Variants in HLA-F observed in about 807,000 individuals in gnomAD.
HLA-F encodes major histocompatibility complex, class I, F, also known as HLA class I histocompatibility antigen, alpha chain F.
HLA-F carries 46 observed loss-of-function variants against 49.5 expected under a neutral mutation model. That is an observed-to-expected ratio of 0.93 (90% CI 0.73 to 1.19). The LOEUF (loss-of-function observed/expected upper bound fraction) is 1.19, where lower values mean the gene tolerates loss of function less well. Among genes scored for constraint, HLA-F ranks in the 50% most tolerant of loss-of-function variants. The pLI, the probability that HLA-F is intolerant of heterozygous loss-of-function variation, is 0.00. For missense variants in HLA-F, 496 were observed against 579.6 expected, an observed-to-expected ratio of 0.86 and a Z score of 1.48; for synonymous variants, 203 against 233.5, an observed-to-expected ratio of 0.87 and a Z score of 1.19.
chr6:29,730,224 C>G (rs1209874640), downstream of HLA-F, among the ~76,000 whole-genome samples: 5 of 152,200 alleles, frequency 3.3e-5, no homozygotes, highest in Non-Finnish European at 1.5e-5. Flanking sequence ...GAATATTATT[C>G]AGCCTTAAAA....
intron 3 of HLA-F, chr6:29,736,237 C>T (rs1469340262): frequency 1.6e-5 from 6 of 365,152 alleles, no homozygotes; most frequent in African/African-American, 1.3e-4. Flanking sequence ...CACCCTCCAC[C>T]TTGCATGGGC....
At chr6:29,727,823 T>G (rs9258187), downstream of HLA-F, 72,250 of 413,994 alleles carry the variant, frequency 0.17, 7,580 homozygotes, top group East Asian at 0.3. Flanking sequence ...CGAGCTTTAG[T>G]TCCCCATACC....
chr6:29,737,062 A>T (rs1218369521), intron 3 of HLA-F, among the ~76,000 whole-genome samples: 2 of 152,132 alleles, frequency 1.3e-5, no homozygotes, highest in African/African-American at 4.8e-5. Context: ...CTAGTATATG[A>T]AAAGAAATGA....
rs1401911132 is a variant in HLA-F, at chr6:29,726,939, C to T, written c.1093C>T (p.Leu365=). Residue 365 remains leucine (L), a synonymous_variant, in exon 7 of 7, where the codon CTG becomes TTG. Coordinates refer to ENST00000259951, the MANE Select transcript of HLA-F (RefSeq NM_001098479.2). The stretch of plus-strand genomic sequence containing the variant: ...AACATGGTGGTCAAGCTTATTTCTC[C>T]TGGGGGTGCTCTTCCAAGGATATTT... ...MITWWSSLFL[L]GVLFQGYLGC... is the part of the protein sequence containing the mutation. 2.5e-6 allele frequency: 4 copies of T among 1,610,552 alleles called. No homozygotes were observed. Among genetic ancestry groups the T allele is most frequent in the Non-Finnish European group, 1.7e-6 (2 of 1,179,892 alleles).
rs769737712 is a variant in HLA-F at position 29,723,840 on chromosome 6, T to C, written c.247T>C (p.Trp83Arg). The stretch of plus-strand genomic sequence containing the variant: ...GCAAGAGGGGCCGCAGTATTGGGAG[T>C]GGACCACAGGGTACGCCAAGGCCAA... The part of the protein sequence containing the change: ...VEQEGPQYWE[W>R]TTGYAKANAQ... The change falls in exon 2 of 7, where the codon TGG becomes CGG. Residue 83 changes from tryptophan to arginine, a missense_variant. Physicochemically the swap from Trp to Arg is moderately radical, Grantham distance 101 (BLOSUM62 -3). Transcript: ENST00000259951. 19 of 1,600,338 alleles carry C rather than the reference T, an allele frequency of 1.2e-5. No homozygotes were observed. The Admixed American group carries it at 3.3e-4, about 27-fold the overall frequency.
At chr6:29,732,875 T>TA (rs148067859) in intron 3 of HLA-F, among the ~76,000 whole-genome samples, 8,215 of 152,120 alleles carry the variant, frequency 0.054, 337 homozygotes, top group Middle Eastern at 0.11. Context: ...AAGATACCTA[T>TA]AAAAATATAT....
intron 1 of HLA-F, 32 bp downstream of exon 1, chr6:29,723,559 T>C (rs768079924): frequency 1.2e-6 from 2 of 1,604,036 alleles, no homozygotes; most frequent in South Asian, 2.2e-5. Context: ...AAACGGCCTC[T>C]GTGGGGAGGA....
Position 29,724,365 on chromosome 6 carries a change from A to G in HLA-F, c.527A>G (p.Glu176Gly). ...TATGAGGCAGAGGAATATGCAGAGG[A>G]GTTCAGGACCTACCTGGAGGGCGAG... is the stretch of plus-strand genomic sequence containing the variant. ...RFYEAEEYAE[E>G]FRTYLEGECL... The change falls in exon 3 of 7, where the codon GAG becomes GGG. Residue 176 changes from glutamate (E) to glycine (G), a missense_variant. Physicochemically the swap from Glu to Gly is moderately conservative, Grantham distance 98. Transcript: ENST00000259951. 6.2e-7 allele frequency: 1 copy of G among 1,613,202 alleles called. No homozygotes were observed. Among genetic ancestry groups the G allele is most frequent in the Non-Finnish European group, 8.5e-7 (1 of 1,180,030 alleles).
intron 2 of HLA-F, 49 bp from the exon 3 acceptor site, chr6:29,724,124 G>A (rs1358233195): frequency 6.2e-7 from 1 of 1,604,782 alleles, no homozygotes; most frequent in Non-Finnish European, 8.5e-7. Context: ...GGGTTGGGCG[G>A]GGAGGGGGCG....
At position 29,724,160 on chromosome 6, in the gene HLA-F, G is replaced by T; in HGVS notation, c.335-13G>T. On this transcript the variant is annotated splice_polypyrimidine_tract_variant and intron_variant, in intron 2 of 6. Coordinates refer to ENST00000259951, the MANE Select transcript of HLA-F (RefSeq NM_001098479.2). Reference sequence around the variant, plus strand: ...GGGCTAGCTGGGCGGGGCTGACTGCGGGGACCGGCTAGGGTCTCACACCCT... The same window carrying T: ...GGGCTAGCTGGGCGGGGCTGACTGCTGGGACCGGCTAGGGTCTCACACCCT... 6.2e-7 allele frequency: 1 copy of T among 1,612,746 alleles called. No individual in the cohort carries two copies. Among genetic ancestry groups the T allele is most frequent in the African/African-American group, 1.3e-5 (1 of 75,054 alleles).
Position 29,724,445 on chromosome 6 carries a change from G to T in HLA-F, c.607G>T (p.Ala203Ser), listed in dbSNP as rs750557004. Residue 203 changes from alanine to serine, a missense_variant, in exon 3 of 7, where the codon GCA (alanine) becomes TCA (serine). By Grantham distance (99) the Ala-to-Ser change is moderately conservative. Transcript: ENST00000259951. ...LENGKETLQR[A>S]DPPKAHVAHH... is the part of the protein sequence containing the mutation. ...GAATGGGAAGGAGACGCTACAGCGC[G>T]CAGGTACCAGGGGCCATGGGCGCCT... 3 of 1,612,784 alleles carry T rather than the reference G, an allele frequency of 1.9e-6. No individual in the cohort carries two copies. The highest frequency in any genetic ancestry group is 2.5e-6 in the Non-Finnish European group (3 of 1,179,690).
downstream of HLA-F, chr6:29,728,700 A>G (rs1776328165): frequency 6.6e-6 from 1 of 152,254 alleles, no homozygotes. Flanking sequence ...CCCAGACAGC[A>G]GCTCAAAATA....
In HLA-F at chr6:29,727,028, T is replaced by G. The variant is rs551676527; in HGVS notation, c.1182T>G (p.Phe394Leu). The change falls in exon 7 of 7, where the codon TTT (phenylalanine) becomes TTG (leucine). Residue 394 changes from phenylalanine to leucine, a missense_variant. Coordinates refer to ENST00000259951, the MANE Select transcript of HLA-F (RefSeq NM_001098479.2). ...RRKVGDMWILFFLWLWTSFNT... is the reference protein window; with the variant it reads ...RRKVGDMWILLFLWLWTSFNT... ...AGGTGGGTGACATGTGGATCTTGTT[T>G]TTTTTGTGGCTGTGGACATCTTTCA... 27 of 1,613,514 alleles carry G rather than the reference T, an allele frequency of 1.7e-5. No homozygotes were observed. In the African/African-American group the frequency reaches 3.5e-4, roughly 21 times the overall value.
chr6:29,724,872 TAGG>T (rs1281504094), intron 3 of HLA-F, among the ~76,000 whole-genome samples, 156 bp from the exon 4 acceptor site: 1 of 152,068 alleles, frequency 6.6e-6, no homozygotes, highest in African/African-American at 2.4e-5. Flanking sequence ...TTCCAAGGAA[TAGG>T]AGATTTTCCC....
Position 29,724,358 on chromosome 6 carries a change from G to A in HLA-F, c.520G>A (p.Ala174Thr). Residue 174 changes from alanine to threonine, a missense_variant, in exon 3 of 7, where the codon GCA (alanine) becomes ACA (threonine). Ala to Thr is a moderately conservative substitution (Grantham distance 58). Transcript: ENST00000259951. Reference sequence around the variant, plus strand: ...GCGCTTCTATGAGGCAGAGGAATATGCAGAGGAGTTCAGGACCTACCTGGA... The same window carrying A: ...GCGCTTCTATGAGGCAGAGGAATATACAGAGGAGTTCAGGACCTACCTGGA... ...TQRFYEAEEY[A>T]EEFRTYLEGE... is the part of the protein sequence containing the mutation. 1 of 1,613,256 alleles carries A rather than the reference G, an allele frequency of 6.2e-7. No homozygotes were observed. The highest frequency in any genetic ancestry group is 8.5e-7 in the Non-Finnish European group (1 of 1,180,046).
Position 29,725,432 on chromosome 6 carries a change from C to T in HLA-F, c.887-15C>T. Reference sequence around the variant, plus strand: ...CCTGGAGATCAGGGCCCCTCACCTTCCCTTCCTTTCCCAGAGCAGTCTCCC... The same window carrying T: ...CCTGGAGATCAGGGCCCCTCACCTTTCCTTCCTTTCCCAGAGCAGTCTCCC... On this transcript the variant is annotated splice_polypyrimidine_tract_variant and intron_variant, in intron 4 of 6. Transcript: ENST00000259951. 6.2e-7 allele frequency: 1 copy of T among 1,612,688 alleles called. No individual in the cohort carries two copies. Among genetic ancestry groups the T allele is most frequent in the Non-Finnish European group, 8.5e-7 (1 of 1,179,018 alleles).
chr6:29,726,784 A>G (rs1046176534), intron 6 of HLA-F, 99 bp from the exon 7 acceptor site: 7 of 1,384,370 alleles, frequency 5.1e-6, no homozygotes, highest in African/African-American at 4.2e-5. Flanking sequence ...GGCCACATCA[A>G]TGTCACAAAC....
chr6:29,733,471 T>C (rs757761422), intron 3 of HLA-F, among the ~76,000 whole-genome samples: 4 of 152,148 alleles, frequency 2.6e-5, no homozygotes, highest in African/African-American at 4.8e-5. Flanking sequence ...AAAATAACAA[T>C]GAAAAGTGGC....
At chr6:29,737,638 T>C (rs1404202887) in intron 3 of HLA-F, 1 of 152,232 alleles carries the variant, frequency 6.6e-6, no homozygotes, top group East Asian at 1.9e-4. Flanking sequence ...CATTTTTAGA[T>C]CTTTTATCTT....
Sources: gnomAD v4.1 joint callset for allele counts (sites outside exome capture counted in the v4.1 genomes callset) on GRCh38, gnomAD v4.1.1 for gene constraint, MANE v1.5 for transcripts, NCBI Gene and HGNC (gene_info 2026-07-23, HGNC 2026-07-21) for gene names.